HSP90AA1: variants seen among roughly 807,000 people sequenced by gnomAD.
HSP90AA1 encodes the protein heat shock protein 90 alpha family class A member 1, also known as heat shock protein HSP 90-alpha.
In HSP90AA1, 18 loss-of-function variants were observed where a neutral mutation model predicts 73.3. The observed-to-expected ratio is 0.25, with a 90% CI of 0.17 to 0.36. The LOEUF (loss-of-function observed/expected upper bound fraction) is 0.36, where lower values mean the gene tolerates loss of function less well. Ranked by LOEUF, HSP90AA1 falls within the 10% of genes least tolerant of loss-of-function variation. The pLI is 1.00. For missense variants in HSP90AA1, 704 were observed against 874.2 expected, an observed-to-expected ratio of 0.81 and a Z score of 2.45; for synonymous variants, 477 against 296.9, an observed-to-expected ratio of 1.61 and a Z score of -6.24.
chr14:102,094,835 T>G (rs1027344342), intron 2 of HSP90AA1, among the ~76,000 whole-genome samples: 2 of 152,218 alleles, frequency 1.3e-5, no homozygotes, highest in Non-Finnish European at 2.9e-5. Flanking sequence ...CTGACCCGCA[T>G]CCACTCTGAC....
intron 8 of HSP90AA1, 110 bp downstream of exon 8, chr14:102,083,436 T>C (rs2049143063): frequency 7.1e-7 from 1 of 1,410,216 alleles, no homozygotes; most frequent in African/African-American, 1.4e-5. Context: ...TTAATTATCT[T>C]GCCTAGATCA....
intron 1 of HSP90AA1, among the ~76,000 whole-genome samples, chr14:102,110,770 A>T (rs758576344): frequency 6.6e-6 from 1 of 152,004 alleles, no homozygotes; most frequent in Non-Finnish European, 1.5e-5. Context: ...TTTAGTAGAG[A>T]TGGGGTTTCA....
chr14:102,092,073 ATT>A (rs1028963342), intron 2 of HSP90AA1, among the ~76,000 whole-genome samples: 2 of 142,344 alleles, frequency 1.4e-5, no homozygotes, highest in African/African-American at 2.6e-5. Context: ...TTTGTTACTG[ATT>A]TTTTTTTTTT....
intron 2 of HSP90AA1, among the ~76,000 whole-genome samples, chr14:102,101,206 C>T (rs530842270): frequency 1.3e-5 from 2 of 152,166 alleles, no homozygotes; most frequent in South Asian, 4.1e-4. Flanking sequence ...ATGTTCACTG[C>T]CATATTAGCA....
At chr14:102,130,128 A>G (rs931341686) in intron 1 of HSP90AA1, among the ~76,000 whole-genome samples, 2 of 151,350 alleles carry the variant, frequency 1.3e-5, no homozygotes, top group African/African-American at 2.4e-5. Flanking sequence ...GCACCACCAC[A>G]CCTGGCTAAT....
intron 4 of HSP90AA1, 37 bp from the exon 5 acceptor site, chr14:102,085,035 C>A (rs949891308): frequency 6.2e-7 from 1 of 1,613,896 alleles, no homozygotes; most frequent in Non-Finnish European, 8.5e-7. Flanking sequence ...CACTGCTGCA[C>A]TCCAGAACTA....
At chr14:102,134,477 G>A (rs28480324) in intron 1 of HSP90AA1, among the ~76,000 whole-genome samples, 8,069 of 152,136 alleles carry the variant, frequency 0.053, 639 homozygotes, top group African/African-American at 0.17. Flanking sequence ...ATGAAGCCGC[G>A]GACCCTCGCA....
rs933227468 is a variant in HSP90AA1, at chr14:102,086,111, A to G, written c.176T>C (p.Ile59Thr). The G allele has an allele frequency of 3.7e-6, 6 of 1,613,936 alleles. No homozygotes were observed. Among genetic ancestry groups the G allele is most frequent in the Admixed American group, 3.3e-5 (2 of 59,980 alleles). Residue 59 changes from isoleucine to threonine, a missense_variant, in exon 3 of 11, where the codon ATC becomes ACC. By Grantham distance (89) the Ile-to-Thr change is moderately conservative. Coordinates refer to ENST00000216281, the MANE Select transcript of HSP90AA1 (RefSeq NM_005348.4). ...ISNSSDALDKIRYESLTDPSK... is the reference protein window; with the variant it reads ...ISNSSDALDKTRYESLTDPSK... ...GGGATCTGTCAAGCTTTCATACCGG[A>G]TTTTGTCCAATGCCTGTTAACAAAA...
At chr14:102,135,430 G>A (rs2049976992) in intron 1 of HSP90AA1, among the ~76,000 whole-genome samples, 1 of 152,292 alleles carries the variant, frequency 6.6e-6, no homozygotes, top group Admixed American at 6.5e-5. Flanking sequence ...GCTGATTGGT[G>A]TGAGCCCAGC....
chr14:102,081,691 A>G lies in HSP90AA1; in HGVS notation c.*21T>C. The stretch of plus-strand genomic sequence containing the variant: ...AGGAATTGTAGAGTACTGAACAGGT[A>G]AGTCATCCCTCAGCCAGAGATTAGT... On this transcript the variant is annotated 3_prime_UTR_variant, in exon 11 of 11. Coordinates refer to ENST00000216281, the MANE Select transcript of HSP90AA1 (RefSeq NM_005348.4). 4 of 954,424 alleles carry G rather than the reference A, an allele frequency of 4.2e-6. No homozygotes were observed. Among genetic ancestry groups the G allele is most frequent in the Non-Finnish European group, 6.9e-6 (4 of 577,014 alleles). The allele number at this position is 954,424 out of a possible 1,614,324, so 59.1% of individuals were successfully genotyped here.
intron 9 of HSP90AA1, 115 bp downstream of exon 9, chr14:102,082,917 CCA>C: frequency 9.1e-7 from 1 of 1,102,016 alleles, no homozygotes; most frequent in Non-Finnish European, 1.4e-6. Context: ...CCGCGCCCAG[CCA>C]CACACAACAT....
At chr14:102,139,163 A>C in intron 1 of HSP90AA1, 1 of 1,489,126 alleles carries the variant, frequency 6.7e-7, no homozygotes, top group Non-Finnish European at 9.3e-7. Context: ...CTGGCTTGAG[A>C]ACACCTATGC....
intron 1 of HSP90AA1, among the ~76,000 whole-genome samples, chr14:102,133,074 G>A (rs1595682716): frequency 6.6e-6 from 1 of 152,192 alleles, no homozygotes; most frequent in African/African-American, 2.4e-5. Flanking sequence ...GAGGTCAGGA[G>A]TTCAAGACCA....
At chr14:102,093,023 G>T (rs752650300) in intron 2 of HSP90AA1, among the ~76,000 whole-genome samples, 5 of 152,038 alleles carry the variant, frequency 3.3e-5, no homozygotes, top group Admixed American at 2.0e-4. Flanking sequence ...GGGGTTACGG[G>T]CGTGAACCAC....
intron 1 of HSP90AA1, among the ~76,000 whole-genome samples, chr14:102,124,189 A>AG (rs2049813542): frequency 2.6e-5 from 2 of 77,204 alleles, no homozygotes; most frequent in African/African-American, 6.9e-5. Context: ...TTTGAATGCT[A>AG]ATTTTTTTTT....
In HSP90AA1 at chr14:102,086,298, G is replaced by A. The variant is rs11547539; in HGVS notation, c.81C>T (p.Ala27=). 2 of 1,614,028 alleles carry A rather than the reference G, an allele frequency of 1.2e-6. No homozygotes were observed. The highest frequency in any genetic ancestry group is 1.7e-5 in the Admixed American group (1 of 60,004). ...VETFAFQAEI[A]QLMSLIINTF... ...TATTGATGATCAATGACATCAACTG[G>A]GCAATTTCTGCCTGAAAGGCGAACG... The change falls in exon 2 of 11, where the codon GCC becomes GCT. Residue 27 remains alanine, a synonymous_variant. Coordinates refer to ENST00000216281, the MANE Select transcript of HSP90AA1 (RefSeq NM_005348.4).
At chr14:102,096,819 GT>G (rs2049431474) in intron 2 of HSP90AA1, among the ~76,000 whole-genome samples, 1 of 152,176 alleles carries the variant, frequency 6.6e-6, no homozygotes, top group Non-Finnish European at 1.5e-5. Context: ...TGTCTTTGAA[GT>G]TTAGGAATTT....
At chr14:102,130,658 T>C (rs981044124) in intron 1 of HSP90AA1, among the ~76,000 whole-genome samples, 5 of 152,120 alleles carry the variant, frequency 3.3e-5, no homozygotes, top group African/African-American at 4.8e-5. Context: ...CTCAGGCTGG[T>C]GTGCAGTGGT....
chr14:102,083,011 C>T (rs773608933), intron 9 of HSP90AA1, 23 bp downstream of exon 9: 22 of 1,608,410 alleles, frequency 1.4e-5, no homozygotes, highest in Non-Finnish European at 1.8e-5. Flanking sequence ...TATCAATGAT[C>T]AGGAAATGCT....
Sources: gnomAD v4.1 joint callset for allele counts (sites outside exome capture counted in the v4.1 genomes callset) on GRCh38, gnomAD v4.1.1 for gene constraint, MANE v1.5 for transcripts, NCBI Gene and HGNC (gene_info 2026-07-23, HGNC 2026-07-21) for gene names.